Variants in RBM6 observed in about 807,000 individuals in gnomAD.
The protein encoded by RBM6 is RNA-binding protein 6.
RBM6 carries 23 observed loss-of-function variants against 140.4 expected under a neutral mutation model. The observed-to-expected ratio is 0.16, with a 90% CI of 0.12 to 0.23. The LOEUF is 0.23. RBM6 is among the 10% of genes least tolerant of loss of function. RBM6 has a pLI of 1.00. For missense variants in RBM6, 1,139 were observed against 1,386.7 expected (o/e 0.82, Z 2.84); for synonymous variants, 439 against 475.6 (o/e 0.92, Z 1.00).
intron 15 of RBM6, among the ~76,000 whole-genome samples, chr3:50,063,257 C>G (rs1248934877): frequency 6.6e-6 from 1 of 152,070 alleles, no homozygotes; most frequent in East Asian, 1.9e-4. Context: ...TTAAATTACT[C>G]CCTATGACAC....
chr3:49,952,543 C>T (rs2083784819), intron 1 of RBM6, among the ~76,000 whole-genome samples: 1 of 150,734 alleles, frequency 6.6e-6, no homozygotes, highest in Non-Finnish European at 1.5e-5. Flanking sequence ...TCTTGTTGCC[C>T]AGGCTGGTGT....
intron 8 of RBM6, among the ~76,000 whole-genome samples, chr3:50,055,319 C>T (rs1261703918): frequency 6.6e-6 from 1 of 152,080 alleles, no homozygotes; most frequent in Admixed American, 6.5e-5. Context: ...AATCCCAGCT[C>T]CTTGGGAGGC....
intron 1 of RBM6, among the ~76,000 whole-genome samples, chr3:49,947,274 GGGGT>G (rs531929537): frequency 0.22 from 19,172 of 87,154 alleles, 1,859 homozygotes; most frequent in Non-Finnish European, 0.28. Context: ...GGGGGGGGGG[GGGGT>G]TTTGAGCTGG....
At chr3:49,952,474 A>G (rs577265216) in intron 1 of RBM6, among the ~76,000 whole-genome samples, 1 of 149,948 alleles carries the variant, frequency 6.7e-6, no homozygotes, top group South Asian at 2.1e-4. Context: ...CACTTTTACT[A>G]TATTTTAAAT....
intron 1 of RBM6, among the ~76,000 whole-genome samples, chr3:49,952,264 C>T (rs552896875): frequency 1.6e-4 from 24 of 149,136 alleles, no homozygotes; most frequent in Non-Finnish European, 2.8e-4. Flanking sequence ...CTCTTGACCT[C>T]GTGATCTACC....
intron 6 of RBM6, among the ~76,000 whole-genome samples, chr3:50,038,125 A>G (rs532407120): frequency 1.3e-5 from 2 of 151,850 alleles, no homozygotes; most frequent in East Asian, 1.9e-4. Context: ...GCCGGTTCCA[A>G]TGTCTCTTTT....
At chr3:50,021,361 T>C (rs975797513) in intron 6 of RBM6, among the ~76,000 whole-genome samples, 2 of 152,170 alleles carry the variant, frequency 1.3e-5, no homozygotes, top group African/African-American at 4.8e-5. Flanking sequence ...CATTTAAGGC[T>C]GGGTGCAGTG....
chr3:49,960,775 AGT>A (rs553157660), intron 1 of RBM6, among the ~76,000 whole-genome samples: 134 of 152,278 alleles, frequency 8.8e-4, no homozygotes, highest in African/African-American at 3.1e-3. Flanking sequence ...GGTCTGAGAC[AGT>A]GGGGTTGATA....
chr3:50,018,584 T>G lies in RBM6; in HGVS notation c.1557+19071T>G, dbSNP rs933995058. On this transcript the variant is annotated intron_variant, in intron 6 of 20. Transcript: ENST00000266022. ...CTGGATCGTATGGTAGGAGTGTGTT[T>G]TTTTTTTTTTTTTTTTTTTTTTTTT... Among the ~76,000 whole-genome samples the G allele has an allele frequency of 3.7e-4, 18 of 48,542 alleles. 1 individual carries two copies. In the South Asian group the frequency reaches 8.7e-3, roughly 23 times the overall value. The allele number at this position is 48,542 out of a possible 152,430, so 31.8% of individuals were successfully genotyped here. A position where few individuals can be genotyped will look rare whatever the true frequency, so the allele number is the denominator to read the frequency against.
intron 19 of RBM6, 74 bp downstream of exon 19, chr3:50,070,626 G>A (rs2090271242): frequency 2.9e-6 from 3 of 1,051,016 alleles, no homozygotes. Flanking sequence ...CAACTGTACT[G>A]CTGTTTTCTG....
intron 1 of RBM6, among the ~76,000 whole-genome samples, chr3:49,946,685 G>A (rs1388353398): frequency 6.6e-6 from 1 of 151,842 alleles, no homozygotes; most frequent in South Asian, 2.1e-4. Flanking sequence ...ACAGGCGTGT[G>A]CCACCACGCC....
chr3:49,945,391 C>T (rs2083444041), intron 1 of RBM6, among the ~76,000 whole-genome samples: 1 of 151,848 alleles, frequency 6.6e-6, no homozygotes, highest in African/African-American at 2.4e-5. Flanking sequence ...GTTGCCCAGG[C>T]TTTATGTATC....
In RBM6 at chr3:49,955,160, C is replaced by CTTTTTTTTTTTTTTTTTTTTTTT. The variant is rs869272546; in HGVS notation, c.-66-7414_-66-7392dup. Among the ~76,000 whole-genome samples, 35 of 72,716 alleles carry CTTTTTTTTTTTTTTTTTTTTTTT rather than the reference C, an allele frequency of 4.8e-4. 9 individuals carry two copies. The highest frequency in any genetic ancestry group is 9.8e-4 in the African/African-American group (17 of 17,370). 47.7% of individuals were successfully genotyped at this position (72,716 alleles called of 152,430 possible). A position where few individuals can be genotyped will look rare whatever the true frequency, so the allele number is the denominator to read the frequency against. ...GGCCGCATAGTATTTTTTTTTCTTT[C>CTTTTTTTTTTTTTTTTTTTTTTT]TTTTTTTTTTTTTTTTTTTTTTTTG... is the stretch of plus-strand genomic sequence containing the variant. On this transcript the variant is annotated intron_variant, in intron 1 of 20. Transcript: ENST00000266022.
chr3:50,039,392 A>G (rs1214932867), intron 6 of RBM6, among the ~76,000 whole-genome samples: 1 of 151,728 alleles, frequency 6.6e-6, no homozygotes, highest in Non-Finnish European at 1.5e-5. Flanking sequence ...AGCGCCCATT[A>G]CCACACCCAG....
In RBM6 at chr3:50,075,973, C is replaced by CT. The variant is rs1331876971; in HGVS notation, c.3246+656dup. 3.6e-3 allele frequency among the ~76,000 whole-genome samples: 516 copies of CT among 143,314 alleles called. 2 individuals carry two copies. The highest frequency in any genetic ancestry group is 8.6e-3 in the African/African-American group (340 of 39,426). The allele number at this position is 143,314 out of a possible 152,430, so 94.0% of individuals were successfully genotyped here. A position where few individuals can be genotyped will look rare whatever the true frequency, so the allele number is the denominator to read the frequency against. The stretch of plus-strand genomic sequence containing the variant: ...TTGTTTAATAATGAAAGATTCTTTT[C>CT]TTTTTTTTTTTTTGAGACAGAGTCT... On this transcript the variant is annotated intron_variant, in intron 20 of 20. Coordinates refer to ENST00000266022, the MANE Select transcript of RBM6 (RefSeq NM_005777.3).
At chr3:49,986,182 C>T (rs1258004094) in intron 5 of RBM6, among the ~76,000 whole-genome samples, 6 of 151,290 alleles carry the variant, frequency 4.0e-5, no homozygotes, top group South Asian at 2.1e-4. Flanking sequence ...TTAGTAGAGA[C>T]GGGGTTTCAC....
At chr3:49,944,842 T>G (rs1354468579) in intron 1 of RBM6, among the ~76,000 whole-genome samples, 1 of 151,558 alleles carries the variant, frequency 6.6e-6, no homozygotes, top group Non-Finnish European at 1.5e-5. Flanking sequence ...AATCGACAAT[T>G]GACAGAGCAA....
intron 6 of RBM6, among the ~76,000 whole-genome samples, chr3:50,044,931 T>G (rs2089145184): frequency 6.6e-6 from 1 of 152,190 alleles, no homozygotes; most frequent in Admixed American, 6.5e-5. Flanking sequence ...AAAGAAACAA[T>G]TGGCTACCCT....
Position 50,048,242 on chromosome 3 carries a change from C to T in RBM6, c.1558-3C>T, listed in dbSNP as rs757483583. The T allele has an allele frequency of 1.2e-6, 2 of 1,612,582 alleles. No individual in the cohort carries two copies. The highest frequency in any genetic ancestry group is 8.5e-7 in the Non-Finnish European group (1 of 1,179,394). On this transcript the variant is annotated splice_region_variant and splice_polypyrimidine_tract_variant and intron_variant, in intron 6 of 20. Coordinates refer to ENST00000266022, the MANE Select transcript of RBM6 (RefSeq NM_005777.3). ...TTGATGGCTTCTGTCTTTGTCTTTA[C>T]AGGGAACTCTAATGATCCAGGACAA... is the stretch of plus-strand genomic sequence containing the variant.
Sources: gnomAD v4.1 joint callset for allele counts (sites outside exome capture counted in the v4.1 genomes callset) on GRCh38, gnomAD v4.1.1 for gene constraint, MANE v1.5 for transcripts, NCBI Gene and HGNC (gene_info 2026-07-23, HGNC 2026-07-21) for gene names.